Variants in TNRC6B observed in about 807,000 individuals in gnomAD.
The protein encoded by TNRC6B is trinucleotide repeat-containing gene 6B protein.
TNRC6B carries 52 observed loss-of-function variants against 203.6 expected under a neutral mutation model. That is an observed-to-expected ratio of 0.26 (90% CI 0.20 to 0.32). The LOEUF is 0.32. TNRC6B is among the 10% of genes least tolerant of loss of function. The pLI is 1.00. For missense variants in TNRC6B, 1,923 were observed against 2,286.2 expected (o/e 0.84, Z 3.24); for synonymous variants, 838 against 845.7 (o/e 0.99, Z 0.16).
chr22:40,311,431 A>G (rs1368789775), intron 17 of TNRC6B, among the ~76,000 whole-genome samples: 1 of 152,264 alleles, frequency 6.6e-6, no homozygotes, highest in Non-Finnish European at 1.5e-5. Flanking sequence ...AGAACATTTA[A>G]TAAAGCAAAA....
At chr22:40,062,241 C>T (rs922297035) in intron 1 of TNRC6B, among the ~76,000 whole-genome samples, 1 of 152,072 alleles carries the variant, frequency 6.6e-6, no homozygotes, top group Non-Finnish European at 1.5e-5. Context: ...CACTCTGTTG[C>T]CCAGGCTGGA....
intron 1 of TNRC6B, among the ~76,000 whole-genome samples, chr22:40,224,035 C>G (rs1364237687): frequency 6.6e-6 from 1 of 152,056 alleles, no homozygotes; most frequent in East Asian, 1.9e-4. Flanking sequence ...GAGACCGAGT[C>G]TTACTCTGTT....
At chr22:40,066,089 T>G (rs937394678) in intron 1 of TNRC6B, among the ~76,000 whole-genome samples, 17 of 152,102 alleles carry the variant, frequency 1.1e-4, no homozygotes, top group African/African-American at 3.9e-4. Flanking sequence ...CTTTTCAGAA[T>G]CTAGCTCTGG....
At position 40,325,409 on chromosome 22, in the gene TNRC6B, A is replaced by G. The variant is rs975616556; in HGVS notation, c.*2168A>G. ...GCCCTTCTGGCTTACCCTGTTGATTATAAACCTAGCCTCAAAAGAGATTGA... is the reference window on the plus strand; with the variant it reads ...GCCCTTCTGGCTTACCCTGTTGATTGTAAACCTAGCCTCAAAAGAGATTGA... On this transcript the variant is annotated 3_prime_UTR_variant, in exon 23 of 23. Coordinates refer to ENST00000454349, the MANE Select transcript of TNRC6B (RefSeq NM_001162501.2). 6.6e-6 allele frequency: 1 copy of G among 152,664 alleles called. No homozygotes were observed. The highest frequency in any genetic ancestry group is 1.5e-5 in the Non-Finnish European group (1 of 68,044). 9.5% of individuals were successfully genotyped at this position (152,664 alleles called of 1,614,324 possible). A position where few individuals can be genotyped will look rare whatever the true frequency, so the allele number is the denominator to read the frequency against.
intron 2 of TNRC6B, among the ~76,000 whole-genome samples, chr22:40,120,316 A>C (rs929472661): frequency 2.0e-5 from 3 of 149,340 alleles, no homozygotes; most frequent in African/African-American, 7.7e-5. Flanking sequence ...AGCCTGGGTG[A>C]CAGAGTGAGA....
chr22:40,159,659 T>A (rs1026443636), intron 4 of TNRC6B, among the ~76,000 whole-genome samples: 32 of 82,584 alleles, frequency 3.9e-4, no homozygotes, highest in African/African-American at 2.9e-3. Context: ...AAAAAAAATT[T>A]AAAAATTTAA....
At chr22:40,144,548 A>C (rs1039120616) in intron 3 of TNRC6B, among the ~76,000 whole-genome samples, 18 of 151,764 alleles carry the variant, frequency 1.2e-4, no homozygotes, top group African/African-American at 4.4e-4. Context: ...GGTGGCGGGC[A>C]CCTGTAGTCC....
chr22:40,253,346 T>A (rs1216244900), intron 3 of TNRC6B, among the ~76,000 whole-genome samples: 1 of 151,528 alleles, frequency 6.6e-6, no homozygotes, highest in Non-Finnish European at 1.5e-5. Flanking sequence ...TGCCTCGGCC[T>A]CCCAAAGTGC....
chr22:40,329,868 G>A lies in TNRC6B; in HGVS notation c.*6627G>A. 6.6e-6 allele frequency: 1 copy of A among 152,284 alleles called. No individual in the cohort carries two copies. The highest frequency in any genetic ancestry group is 1.9e-4 in the East Asian group (1 of 5,194). 9.4% of individuals were successfully genotyped at this position (152,284 alleles called of 1,614,324 possible). A position where few individuals can be genotyped will look rare whatever the true frequency, so the allele number is the denominator to read the frequency against. On this transcript the variant is annotated 3_prime_UTR_variant, in exon 23 of 23. Coordinates refer to ENST00000454349, the MANE Select transcript of TNRC6B (RefSeq NM_001162501.2). ...ATTTAAATCGTTCCCTTTTCAGTTA[G>A]CTATATACCTGAATTTGTTTTTAAC...
intron 3 of TNRC6B, among the ~76,000 whole-genome samples, chr22:40,140,360 G>A (rs988294841): frequency 6.6e-6 from 1 of 152,182 alleles, no homozygotes; most frequent in East Asian, 1.9e-4. Context: ...GATGTAAAGT[G>A]CAGCTTCCAC....
intron 1 of TNRC6B, among the ~76,000 whole-genome samples, chr22:40,239,003 G>T (rs2069988626): frequency 2.0e-5 from 3 of 152,004 alleles, no homozygotes; most frequent in Admixed American, 2.0e-4. Context: ...AGGAGTTCAA[G>T]ACCAGGCCAG....
At chr22:40,175,663 T>C (rs139268293), upstream of TNRC6B, among the ~76,000 whole-genome samples, 1 of 152,322 alleles carries the variant, frequency 6.6e-6, no homozygotes, top group African/African-American at 2.4e-5. Flanking sequence ...CTGGAAGGTA[T>C]TGGAAGGATA....
At chr22:40,224,664 C>T (rs185269290) in intron 1 of TNRC6B, among the ~76,000 whole-genome samples, 350 of 152,352 alleles carry the variant, frequency 2.3e-3, no homozygotes, top group Middle Eastern at 0.014. Context: ...AAAGAAAAAT[C>T]AGCCACAGGT....
At chr22:40,170,850 T>G (rs56359980) in intron 4 of TNRC6B, among the ~76,000 whole-genome samples, 16 of 108,616 alleles carry the variant, frequency 1.5e-4, no homozygotes, top group East Asian at 2.3e-4. Flanking sequence ...TACATATATG[T>G]GTGTATATAT....
chr22:40,152,475 C>T (rs1396059843), intron 3 of TNRC6B, among the ~76,000 whole-genome samples: 1 of 152,092 alleles, frequency 6.6e-6, no homozygotes, highest in African/African-American at 2.4e-5. Context: ...TACAGGTGCC[C>T]ACCACCACGC....
At chr22:40,190,429 G>A (rs778257257) in intron 1 of TNRC6B, among the ~76,000 whole-genome samples, 1 of 152,138 alleles carries the variant, frequency 6.6e-6, no homozygotes, top group Non-Finnish European at 1.5e-5. Context: ...TGTGTTACTT[G>A]TATACATTTT....
chr22:40,113,130 G>A (rs1411194921), intron 1 of TNRC6B, among the ~76,000 whole-genome samples: 3 of 152,170 alleles, frequency 2.0e-5, no homozygotes, highest in South Asian at 4.1e-4. Flanking sequence ...GCTGGACTAG[G>A]AAGGGAAAGA....
chr22:40,152,488 G>A (rs4585125), intron 3 of TNRC6B, among the ~76,000 whole-genome samples: 102,184 of 151,998 alleles, frequency 0.67, 35,888 homozygotes, highest in African/African-American at 0.88. Flanking sequence ...CACCACGCCC[G>A]GCTAATTTTT....
intron 1 of TNRC6B, among the ~76,000 whole-genome samples, chr22:40,204,043 C>T (rs1002587002): frequency 2.6e-5 from 4 of 152,098 alleles, no homozygotes; most frequent in African/African-American, 7.2e-5. Flanking sequence ...TAAATAAAAG[C>T]GAATCAAAAA....
Sources: allele counts gnomAD v4.1 joint callset (sites outside exome capture counted in the v4.1 genomes callset), GRCh38; gene constraint gnomAD v4.1.1; transcripts MANE v1.5; gene names NCBI Gene and HGNC (gene_info 2026-07-23, HGNC 2026-07-21).